Variants in PCBP2 observed in about 807,000 individuals in gnomAD.
The protein encoded by PCBP2 is poly(rC) binding protein 2.
PCBP2 carries 4 observed loss-of-function variants against 50.1 expected under a neutral mutation model. That is an observed-to-expected ratio of 0.08 (90% CI 0.04 to 0.18). PCBP2 has a LOEUF of 0.18. PCBP2 is among the 10% of genes least tolerant of loss of function. The pLI is 1.00. For synonymous variants in PCBP2, 179 were observed against 168.0 expected, an observed-to-expected ratio of 1.07 and a Z score of -0.51; for missense variants, 161 against 474.3, an observed-to-expected ratio of 0.34 and a Z score of 6.14.
At chr12:53,462,375 G>A (rs780978776) in intron 7 of PCBP2, 118 bp from the exon 8 acceptor site, 4 of 705,860 alleles carry the variant, frequency 5.7e-6, no homozygotes, top group Non-Finnish European at 7.0e-6. Flanking sequence ...CAATTTGGTA[G>A]GTAAGGGGAT....
At chr12:53,458,992 T>C (rs1941251701) in intron 5 of PCBP2, among the ~76,000 whole-genome samples, 1 of 152,214 alleles carries the variant, frequency 6.6e-6, no homozygotes, top group Non-Finnish European at 1.5e-5. Context: ...TGGCCAAGTG[T>C]AACTGCAAAA....
chr12:53,466,465 T>C (rs1941832285), intron 10 of PCBP2, among the ~76,000 whole-genome samples: 1 of 152,182 alleles, frequency 6.6e-6, no homozygotes, highest in Non-Finnish European at 1.5e-5. Flanking sequence ...CATTTCAGAA[T>C]TCAACTCAAA....
chr12:53,463,296 A>G (rs1223885524), intron 8 of PCBP2, among the ~76,000 whole-genome samples: 1 of 152,214 alleles, frequency 6.6e-6, no homozygotes, highest in Non-Finnish European at 1.5e-5. Context: ...TTATTATGAC[A>G]GAAGCATTGA....
At chr12:53,475,401 C>T (rs1942511325) in intron 14 of PCBP2, 1 of 335,406 alleles carries the variant, frequency 3.0e-6, no homozygotes, top group South Asian at 2.3e-5. Flanking sequence ...CAGCTGAGTG[C>T]CTGTTTCAGG....
intron 1 of PCBP2, among the ~76,000 whole-genome samples, chr12:53,453,456 C>G (rs547267859): frequency 2.0e-5 from 3 of 152,226 alleles, no homozygotes; most frequent in Non-Finnish European, 2.9e-5. Flanking sequence ...AAATGATGTG[C>G]TTTGGGGATG....
chr12:53,465,782 T>C, intron 9 of PCBP2, 150 bp from the exon 10 acceptor site: 1 of 653,982 alleles, frequency 1.5e-6, no homozygotes, highest in African/African-American at 1.8e-5. Flanking sequence ...CTGACCATAT[T>C]TGTGAGATTC....
chr12:53,463,203 C>T (rs1361852910), intron 8 of PCBP2, among the ~76,000 whole-genome samples: 1 of 152,068 alleles, frequency 6.6e-6, no homozygotes, highest in Admixed American at 6.5e-5. Flanking sequence ...GTAAGAACAC[C>T]AAAGCACCAC....
intron 1 of PCBP2, among the ~76,000 whole-genome samples, chr12:53,452,641 G>C (rs1008983244): frequency 6.6e-6 from 1 of 151,670 alleles, no homozygotes; most frequent in Admixed American, 6.5e-5. Flanking sequence ...GCGCGCGCGC[G>C]GTAGGGGGGG....
At chr12:53,454,501 A>C (rs765677699) in intron 1 of PCBP2, 30 of 337,948 alleles carry the variant, frequency 8.9e-5, no homozygotes, top group Non-Finnish European at 1.6e-4. Flanking sequence ...AGTCAGCGGA[A>C]ACCCTGTCAT....
chr12:53,471,558 T>C, intron 13 of PCBP2, 80 bp from the exon 14 acceptor site: 1 of 1,179,028 alleles, frequency 8.5e-7, no homozygotes, highest in Non-Finnish European at 1.1e-6. Flanking sequence ...AGTCGTAGGA[T>C]TTGGGGTGGG....
In PCBP2 at chr12:53,459,487, G is replaced by A. The variant is rs991230840; in HGVS notation, c.375+84G>A. ...TGTATGGCTAGGAAAAGTTAGCAAT[G>A]AGATGAAGATTTTTATTGAAGTAAC... On this transcript the variant is annotated intron_variant, in intron 6 of 14. Coordinates refer to ENST00000546463, the MANE Select transcript of PCBP2 (RefSeq NM_031989.5). The A allele has an allele frequency of 2.4e-6, 3 of 1,258,902 alleles. No homozygotes were observed. In the African/African-American group the frequency reaches 4.5e-5, roughly 19 times the overall value. The allele number at this position is 1,258,902 out of a possible 1,614,324, so 78.0% of individuals were successfully genotyped here.
At chr12:53,459,583 A>G (rs1436591275) in intron 6 of PCBP2, among the ~76,000 whole-genome samples, 180 bp downstream of exon 6, 2 of 152,234 alleles carry the variant, frequency 1.3e-5, no homozygotes, top group East Asian at 1.9e-4. Context: ...TGCATAATTC[A>G]TAAATTTTAA....
chr12:53,463,359 G>A (rs1484969129), intron 8 of PCBP2, among the ~76,000 whole-genome samples: 1 of 152,264 alleles, frequency 6.6e-6, no homozygotes, highest in Admixed American at 6.5e-5. Context: ...GGTAGATCAG[G>A]TTTTAAAATA....
Position 53,479,386 on chromosome 12 carries a change from T to A in PCBP2, c.1053-20T>A. On this transcript the variant is annotated intron_variant, in intron 14 of 14. Transcript: ENST00000546463. The stretch of plus-strand genomic sequence containing the variant: ...CTGAGCACTGGGGAAACTAACTGAG[T>A]TCTTGTTTCTGTGTTACAGGCTTTC... 5 of 1,613,026 alleles carry A rather than the reference T, an allele frequency of 3.1e-6. No individual in the cohort carries two copies. The highest frequency in any genetic ancestry group is 3.4e-6 in the Non-Finnish European group (4 of 1,179,062).
rs762762184 is a variant in PCBP2 at position 53,481,156 on chromosome 12, C to T, written c.*1714C>T. 4 of 1,160,458 alleles carry T rather than the reference C, an allele frequency of 3.4e-6. No individual in the cohort carries two copies. The highest frequency in any genetic ancestry group is 3.2e-5 in the Admixed American group (1 of 31,584). The allele number at this position is 1,160,458 out of a possible 1,614,324, so 71.9% of individuals were successfully genotyped here. A position where few individuals can be genotyped will look rare whatever the true frequency, so the allele number is the denominator to read the frequency against. On this transcript the variant is annotated 3_prime_UTR_variant, in exon 15 of 15. Transcript: ENST00000546463. ...ATATATAATTTATATAAATATTTCT[C>T]TATGTACAAGGAATACGAGTGGCTT...
intron 5 of PCBP2, among the ~76,000 whole-genome samples, chr12:53,457,824 C>T (rs1294129185): frequency 6.6e-6 from 1 of 152,102 alleles, no homozygotes; most frequent in Non-Finnish European, 1.5e-5. Context: ...GCTTAATCTT[C>T]AGAAGGCTAA....
At chr12:53,453,019 AGACC>A (rs1426625091) in intron 1 of PCBP2, 23 of 152,084 alleles carry the variant, frequency 1.5e-4, no homozygotes, top group Admixed American at 9.8e-4. Context: ...ATGTAATCCC[AGACC>A]GAGCTATTTA....
At position 53,479,323 on chromosome 12, in the gene PCBP2, T is replaced by C; in HGVS notation, c.1053-83T>C. 5 of 1,209,210 alleles carry C rather than the reference T, an allele frequency of 4.1e-6. No homozygotes were observed. In the South Asian group the frequency reaches 4.9e-5, roughly 12 times the overall value. 74.9% of individuals were successfully genotyped at this position (1,209,210 alleles called of 1,614,324 possible). ...TGGTACTCCAGCACTGGTTATTTAC[T>C]CTTCACATTTCATGAACCAGGTAGA... is the stretch of plus-strand genomic sequence containing the variant. On this transcript the variant is annotated intron_variant, in intron 14 of 14. Coordinates refer to ENST00000546463, the MANE Select transcript of PCBP2 (RefSeq NM_031989.5).
rs371711773 is a variant in PCBP2 at position 53,454,809 on chromosome 12, C to T, written c.9C>T (p.Thr3=). 32 of 1,613,996 alleles carry T rather than the reference C, an allele frequency of 2.0e-5. No homozygotes were observed. Among genetic ancestry groups the T allele is most frequent in the South Asian group, 8.8e-5 (8 of 91,080 alleles). ...CCAGAACACTGCTCGACATGGACAC[C>T]GGTGTGATTGAAGGTGGATTAAATG... MD[T]GVIEGGLNVT... The change falls in exon 2 of 15, where the codon ACC becomes ACT. Residue 3 remains threonine, a synonymous_variant. Coordinates refer to ENST00000546463, the MANE Select transcript of PCBP2 (RefSeq NM_031989.5).
Sources: gnomAD v4.1 joint callset for allele counts (sites outside exome capture counted in the v4.1 genomes callset) on GRCh38, gnomAD v4.1.1 for gene constraint, MANE v1.5 for transcripts, NCBI Gene and HGNC (gene_info 2026-07-23, HGNC 2026-07-21) for gene names.